Variants in ZNF33B observed in about 807,000 individuals in gnomAD.
The protein encoded by ZNF33B is zinc finger protein 33B.
In ZNF33B, 29 loss-of-function variants were observed where a neutral mutation model predicts 45.8. The observed-to-expected ratio is 0.63, with a 90% CI of 0.47 to 0.86. The LOEUF (loss-of-function observed/expected upper bound fraction) is 0.86. Among genes scored for constraint, ZNF33B ranks in the 40% least tolerant of loss-of-function variants. ZNF33B has a pLI of 0.00. For missense variants in ZNF33B, 831 were observed against 909.9 expected (o/e 0.91, Z 1.12); for synonymous variants, 305 against 307.8 (o/e 0.99, Z 0.10).
At chr10:42,638,144 GC>G (rs1839416847) in intron 1 of ZNF33B, among the ~76,000 whole-genome samples, 1 of 152,236 alleles carries the variant, frequency 6.6e-6, no homozygotes, top group African/African-American at 2.4e-5. Flanking sequence ...CCCAGGTAGG[GC>G]CGCGCCCTAG....
At chr10:42,588,584 G>C (rs1188682217), downstream of ZNF33B, among the ~76,000 whole-genome samples, 21 of 152,202 alleles carry the variant, frequency 1.4e-4, no homozygotes, top group Admixed American at 1.3e-3. Context: ...ATAAGATCTA[G>C]GTGAGTTTGT....
chr10:42,637,349 C>A (rs1191806278), intron 1 of ZNF33B, among the ~76,000 whole-genome samples: 1 of 152,176 alleles, frequency 6.6e-6, no homozygotes, highest in Admixed American at 6.5e-5. Flanking sequence ...ACTAGGCTAT[C>A]GATTTTCCCA....
intron 1 of ZNF33B, among the ~76,000 whole-genome samples, chr10:42,575,636 A>G (rs755242130): frequency 3.8e-4 from 58 of 151,704 alleles, no homozygotes; most frequent in Admixed American, 9.9e-4. Flanking sequence ...TATTTTATAT[A>G]CCACTAGTGT....
intron 4 of ZNF33B, among the ~76,000 whole-genome samples, chr10:42,624,692 A>T (rs1457732670): frequency 1.3e-5 from 2 of 150,282 alleles, no homozygotes; most frequent in Non-Finnish European, 3.0e-5. Context: ...ATATAGTGAC[A>T]GTAAATAATC....
At chr10:42,585,594 A>G (rs1288952576), downstream of ZNF33B, among the ~76,000 whole-genome samples, 1 of 152,248 alleles carries the variant, frequency 6.6e-6, no homozygotes, top group African/African-American at 2.4e-5. Context: ...CATAATACTG[A>G]TAATGAATAG....
chr10:42,580,484 C>A (rs1236405338), intron 1 of ZNF33B, among the ~76,000 whole-genome samples: 1 of 151,662 alleles, frequency 6.6e-6, no homozygotes, highest in Non-Finnish European at 1.5e-5. Flanking sequence ...GTGATCCCCC[C>A]ACCTTGGCCT....
chr10:42,605,368 T>C (rs1300167297), intron 4 of ZNF33B: 1 of 151,718 alleles, frequency 6.6e-6, no homozygotes, highest in Non-Finnish European at 1.5e-5. Context: ...GAAGGGAATG[T>C]CCTAAGATTA....
chr10:42,575,510 G>A (rs921895141), intron 1 of ZNF33B, among the ~76,000 whole-genome samples: 9 of 151,882 alleles, frequency 5.9e-5, no homozygotes, highest in African/African-American at 1.7e-4. Flanking sequence ...TTCAGGCCTA[G>A]GAAGCTAATA....
rs3180194 is a variant in ZNF33B at position 42,589,762 on chromosome 10, C to A, written c.*2851G>T. Reference sequence around the variant, plus strand: ...TTTGAGAACAAAGACAGTTGTATTTCCTCCTTCCAAATTTATGTGCATTTT... The same window carrying A: ...TTTGAGAACAAAGACAGTTGTATTTACTCCTTCCAAATTTATGTGCATTTT... On this transcript the variant is annotated 3_prime_UTR_variant, in exon 5 of 5. Transcript: ENST00000359467. The A allele has an allele frequency of 1.3e-5, 2 of 151,798 alleles. No individual in the cohort carries two copies. The highest frequency in any genetic ancestry group is 4.9e-5 in the African/African-American group (2 of 41,230). The allele number at this position is 151,798 out of a possible 1,614,324, so 9.4% of individuals were successfully genotyped here.
intron 4 of ZNF33B, among the ~76,000 whole-genome samples, chr10:42,622,219 TCA>T (rs909207791): frequency 1.1e-4 from 17 of 152,218 alleles, no homozygotes; most frequent in African/African-American, 3.9e-4. Context: ...TATCTCATGT[TCA>T]CAGTTTGAGA....
chr10:42,616,324 T>C (rs1838313164), intron 4 of ZNF33B, among the ~76,000 whole-genome samples: 1 of 152,084 alleles, frequency 6.6e-6, no homozygotes, highest in Admixed American at 6.5e-5. Flanking sequence ...TGGTGAAGAG[T>C]ACAGTATGTG....
At chr10:42,609,557 GA>G (rs1838016998) in intron 4 of ZNF33B, among the ~76,000 whole-genome samples, 1 of 152,048 alleles carries the variant, frequency 6.6e-6, no homozygotes, top group Admixed American at 6.6e-5. Context: ...AAAATAAGAA[GA>G]AACACTTGCC....
chr10:42,583,410 C>T (rs1272040055), intron 1 of ZNF33B: 2 of 324,936 alleles, frequency 6.2e-6, no homozygotes, highest in Admixed American at 4.0e-5. Context: ...CACAATTTGT[C>T]CCATAAATTT....
chr10:42,608,361 G>C (rs534050354), intron 4 of ZNF33B, among the ~76,000 whole-genome samples: 1 of 152,208 alleles, frequency 6.6e-6, no homozygotes, highest in South Asian at 2.1e-4. Flanking sequence ...AGATCTAAGA[G>C]ATATAGACAG....
intron 2 of ZNF33B, among the ~76,000 whole-genome samples, chr10:42,633,072 A>C (rs1277973772): frequency 6.6e-6 from 1 of 152,248 alleles, no homozygotes; most frequent in East Asian, 1.9e-4. Context: ...TTATATTTAC[A>C]AATCACAGAA....
intron 4 of ZNF33B, among the ~76,000 whole-genome samples, chr10:42,613,062 G>A (rs1434843044): frequency 6.6e-6 from 1 of 152,130 alleles, no homozygotes; most frequent in African/African-American, 2.4e-5. Context: ...TATCAATGAA[G>A]GACCCCCTTC....
chr10:42,608,646 T>TTCTC (rs1256530258), intron 4 of ZNF33B, among the ~76,000 whole-genome samples: 2 of 152,058 alleles, frequency 1.3e-5, no homozygotes, highest in Non-Finnish European at 2.9e-5. Flanking sequence ...AAAGCAATGC[T>TTCTC]TAGAGAGAGA....
chr10:42,616,374 T>C (rs918253810), intron 4 of ZNF33B, among the ~76,000 whole-genome samples: 2 of 152,238 alleles, frequency 1.3e-5, no homozygotes, highest in African/African-American at 2.4e-5. Flanking sequence ...TTGTTTCTTA[T>C]ATACCTGTTT....
intron 4 of ZNF33B, among the ~76,000 whole-genome samples, chr10:42,624,576 G>A (rs1838721787): frequency 6.6e-6 from 1 of 152,126 alleles, no homozygotes; most frequent in Non-Finnish European, 1.5e-5. Context: ...TAGGGACAGG[G>A]AGAGATTAAC....
Sources: gnomAD v4.1 joint callset for allele counts (sites outside exome capture counted in the v4.1 genomes callset) on GRCh38, gnomAD v4.1.1 for gene constraint, MANE v1.5 for transcripts, NCBI Gene and HGNC (gene_info 2026-07-23, HGNC 2026-07-21) for gene names.